Variants in HDAC4 observed in about 807,000 individuals in gnomAD.
HDAC4 encodes histone deacetylase 4, also known as histone deacetylase A.
Under a neutral mutation model 135.1 loss-of-function variants are expected in HDAC4, and 16 were observed. The observed-to-expected ratio is 0.12, with a 90% CI of 0.08 to 0.18. The LOEUF is 0.18. Among genes scored for constraint, HDAC4 ranks in the 10% least tolerant of loss-of-function variants. The pLI is 1.00. For missense variants in HDAC4, 1,143 were observed against 1,511.8 expected (o/e 0.76, Z 4.05); for synonymous variants, 685 against 653.4 (o/e 1.05, Z -0.74).
intron 4 of HDAC4, among the ~76,000 whole-genome samples, chr2:239,180,124 T>C (rs1000058105): frequency 6.6e-6 from 1 of 152,140 alleles, no homozygotes; most frequent in Non-Finnish European, 1.5e-5. Flanking sequence ...CCGAGCCGAC[T>C]GGCAAGCTTC....
At chr2:239,054,545 C>T (rs1032876115) in intron 25 of HDAC4, among the ~76,000 whole-genome samples, 3 of 152,104 alleles carry the variant, frequency 2.0e-5, no homozygotes, top group Non-Finnish European at 2.9e-5. Context: ...CCCAGCAGGC[C>T]GGGGGAAATC....
At position 239,303,975 on chromosome 2, in the gene HDAC4, C is replaced by T. The variant is rs762465822; in HGVS notation, c.22+48703G>A. ...CAGGCCTCACCAGTCTTCATCTCAG[C>T]CCGCCAGGTCCTCTCGAGCCCCTGG... On this transcript the variant is annotated intron_variant, in intron 2 of 26. Transcript: ENST00000543185. This position sits in a 1 kb window ranked among gnomAD's most constrained non-coding sequence, Gnocchi z 5.1. Among the ~76,000 whole-genome samples the T allele has an allele frequency of 6.6e-6, 1 of 152,184 alleles. No homozygotes were observed. Among genetic ancestry groups the T allele is most frequent in the African/African-American group, 2.4e-5 (1 of 41,444 alleles).
At chr2:239,351,959 G>A (rs62182144) in intron 2 of HDAC4, among the ~76,000 whole-genome samples, 13,311 of 152,106 alleles carry the variant, frequency 0.088, 764 homozygotes, top group Non-Finnish European at 0.12. Flanking sequence ...CAGGCAGGTC[G>A]GCGGCAGGCC....
intron 2 of HDAC4, among the ~76,000 whole-genome samples, chr2:239,284,207 G>T (rs1303855979): frequency 6.6e-6 from 1 of 152,354 alleles, no homozygotes; most frequent in South Asian, 2.1e-4. Flanking sequence ...GACAGTGCCG[G>T]TCCTGAGCCC....
rs944069942 is a variant in HDAC4, at chr2:239,285,289, C to G, written c.23-48625G>C. Among the ~76,000 whole-genome samples, 14 of 152,208 alleles carry G rather than the reference C, an allele frequency of 9.2e-5. No individual in the cohort carries two copies. Among genetic ancestry groups the G allele is most frequent in the African/African-American group, 3.4e-4 (14 of 41,464 alleles). ...TGGGGGTGGGAGGGGCAGATCCCTGCTGGGAGTGGAGAACGCGCCGCGGCT... is the reference window on the plus strand; with the variant it reads ...TGGGGGTGGGAGGGGCAGATCCCTGGTGGGAGTGGAGAACGCGCCGCGGCT... On this transcript the variant is annotated intron_variant, in intron 2 of 26. Transcript: ENST00000543185. This position sits in a 1 kb window ranked among gnomAD's most constrained non-coding sequence, Gnocchi z 4.5.
intron 3 of HDAC4, among the ~76,000 whole-genome samples, chr2:239,193,449 C>T (rs1307374639): frequency 2.0e-5 from 3 of 152,222 alleles, no homozygotes; most frequent in East Asian, 1.9e-4. Flanking sequence ...GCTGTGGGAA[C>T]GGGCCCAGGG....
Position 239,256,473 on chromosome 2 carries a change from C to T in HDAC4, c.23-19809G>A, listed in dbSNP as rs150906099. Among the ~76,000 whole-genome samples the T allele has an allele frequency of 3.4e-3, 523 of 152,352 alleles. 4 individuals are homozygous for T. The highest frequency in any genetic ancestry group is 0.012 in the African/African-American group (493 of 41,580). ...GCTGCCATCCAGAGCACTGACCCAG[C>T]GCCGAGGCGGGTTCCAGCCCCTCCC... On this transcript the variant is annotated intron_variant, in intron 2 of 26. Coordinates refer to ENST00000543185, the MANE Select transcript of HDAC4 (RefSeq NM_001378414.1).
intron 2 of HDAC4, among the ~76,000 whole-genome samples, chr2:239,347,845 G>A (rs983795316): frequency 6.6e-6 from 1 of 152,028 alleles, no homozygotes; most frequent in Admixed American, 6.5e-5. Flanking sequence ...AACATTATCC[G>A]TACCTCGCAC....
intron 2 of HDAC4, among the ~76,000 whole-genome samples, chr2:239,237,319 A>AT (rs1054563252): frequency 6.6e-6 from 1 of 151,972 alleles, no homozygotes; most frequent in Non-Finnish European, 1.5e-5. Context: ...ACCGCCTGGG[A>AT]TTTTTCTATA....
At chr2:239,192,141 C>A (rs905247347) in intron 3 of HDAC4, among the ~76,000 whole-genome samples, 1 of 152,034 alleles carries the variant, frequency 6.6e-6, no homozygotes, top group Non-Finnish European at 1.5e-5. Context: ...GTTCAATGTG[C>A]GGAAGCAGGG....
intron 3 of HDAC4, among the ~76,000 whole-genome samples, chr2:239,209,295 C>T (rs183133077): frequency 4.2e-4 from 64 of 152,268 alleles, no homozygotes; most frequent in African/African-American, 1.5e-3. Context: ...AACTACAGGT[C>T]CAGTGCAAGG....
intron 1 of HDAC4, among the ~76,000 whole-genome samples, chr2:239,380,098 C>A (rs1253926960): frequency 2.0e-5 from 3 of 152,220 alleles, no homozygotes; most frequent in African/African-American, 7.2e-5. Flanking sequence ...GGCGTGGGCC[C>A]ATGGGTGCCA....
At chr2:239,339,824 C>G (rs74933865) in intron 2 of HDAC4, among the ~76,000 whole-genome samples, 1 of 152,190 alleles carries the variant, frequency 6.6e-6, no homozygotes, top group South Asian at 2.1e-4. Context: ...AAGAAACACC[C>G]TCCCCACATG....
At chr2:239,123,821 T>A (rs1347255709) in intron 12 of HDAC4, among the ~76,000 whole-genome samples, 1 of 152,174 alleles carries the variant, frequency 6.6e-6, no homozygotes, top group Non-Finnish European at 1.5e-5. Context: ...CCCACGGCTT[T>A]ACCTCTGCTC....
intron 1 of HDAC4, among the ~76,000 whole-genome samples, chr2:239,359,025 T>C (rs1344712321): frequency 6.6e-6 from 1 of 152,246 alleles, no homozygotes; most frequent in Admixed American, 6.5e-5. Flanking sequence ...TTTAGTCATT[T>C]GTTTATTTTT....
chr2:239,126,808 C>T (rs2040221630), intron 11 of HDAC4, 114 bp from the exon 12 acceptor site: 10 of 1,178,050 alleles, frequency 8.5e-6, no homozygotes, highest in African/African-American at 1.5e-5. Flanking sequence ...CCAGCCCAGG[C>T]GTTCTGCCCT....
At chr2:239,161,187 A>G (rs1453848521) in intron 6 of HDAC4, among the ~76,000 whole-genome samples, 1 of 152,196 alleles carries the variant, frequency 6.6e-6, no homozygotes, top group African/African-American at 2.4e-5. Flanking sequence ...CATTTTGGAT[A>G]CAAGCGGTTT....
At chr2:239,071,193 A>G (rs1245630439) in intron 22 of HDAC4, among the ~76,000 whole-genome samples, 1 of 152,110 alleles carries the variant, frequency 6.6e-6, no homozygotes, top group Non-Finnish European at 1.5e-5. Flanking sequence ...TGAGGTGGGC[A>G]GATCACCTGA....
intron 1 of HDAC4, among the ~76,000 whole-genome samples, chr2:239,391,754 C>T (rs924491601): frequency 2.0e-5 from 3 of 152,200 alleles, no homozygotes. Context: ...AGCACATCCA[C>T]CAATCAGACC....
Sources: gnomAD v4.1 joint callset for allele counts (sites outside exome capture counted in the v4.1 genomes callset) on GRCh38, gnomAD v4.1.1 for gene constraint, Gnocchi (gnomAD v3.1) non-coding constraint, MANE v1.5 for transcripts, NCBI Gene and HGNC (gene_info 2026-07-23, HGNC 2026-07-21) for gene names.